The following NCOR2 variants were observed in gnomAD, a reference collection of about 807,000 sequenced individuals.
NCOR2 encodes the protein nuclear receptor corepressor 2.
A neutral mutation model predicts 262.9 loss-of-function variants in NCOR2; 81 were observed. That is an observed-to-expected ratio of 0.31 (90% CI 0.26 to 0.37). NCOR2 has a LOEUF of 0.37. NCOR2 is among the 10% of genes least tolerant of loss of function. The pLI is 1.00. For missense variants in NCOR2, 3,385 were observed against 3,621.4 expected, an observed-to-expected ratio of 0.93 and a Z score of 1.68; for synonymous variants, 1,659 against 1,559.3, an observed-to-expected ratio of 1.06 and a Z score of -1.51.
At position 124,523,753 on chromosome 12, in the gene NCOR2, C is replaced by A. The variant is rs2050315637; in HGVS notation, c.-118+11812G>T. 6.6e-6 allele frequency among the ~76,000 whole-genome samples: 1 copy of A among 152,060 alleles called. No individual in the cohort carries two copies. The highest frequency in any genetic ancestry group is 1.5e-5 in the Non-Finnish European group (1 of 68,040). ...CAGGTTGGACAAGCTTGCCTTACAA[C>A]AATCCTATGGGGTGCTGTCATACCC... is the stretch of plus-strand genomic sequence containing the variant. On this transcript the variant is annotated intron_variant, in intron 1 of 46. Transcript: ENST00000404621. The surrounding 1 kb of genome is among the most constrained non-coding windows in gnomAD (Gnocchi z 4.0).
At chr12:124,469,184 C>T (rs1292853327) in intron 4 of NCOR2, among the ~76,000 whole-genome samples, 1 of 152,106 alleles carries the variant, frequency 6.6e-6, no homozygotes, top group South Asian at 2.1e-4. Context: ...CAGGGCATCA[C>T]AAGTGAGATC....
exon 40 of NCOR2, chr12:124,335,204 G>A: frequency 6.2e-7 from 1 of 1,611,122 alleles, no homozygotes; most frequent in Non-Finnish European, 8.5e-7. Context: ...GGAGCAGCGG[G>A]CTGGACGAGG....
At chr12:124,410,894 CT>C (rs1240343857) in intron 13 of NCOR2, among the ~76,000 whole-genome samples, 1 of 151,932 alleles carries the variant, frequency 6.6e-6, no homozygotes. Flanking sequence ...CCGCAAAGAG[CT>C]GGGAGAGGAC....
At chr12:124,336,652 G>A in intron 38 of NCOR2, 101 bp downstream of exon 40, 2 of 1,520,026 alleles carry the variant, frequency 1.3e-6, no homozygotes, top group Non-Finnish European at 1.8e-6. Context: ...CGCGAGGGGA[G>A]CCGTTGGCCA....
Position 124,420,161 on chromosome 12 carries a change from G to A in NCOR2, c.1384-106C>T, listed in dbSNP as rs543524276. ...TCATATCCTGCCTCTTCCACGTACCGGCTGGGTGACCTCGGACAGATGACC... is the reference window on the plus strand; with the variant it reads ...TCATATCCTGCCTCTTCCACGTACCAGCTGGGTGACCTCGGACAGATGACC... On this transcript the variant is annotated intron_variant, in intron 12 of 46. Coordinates refer to ENST00000405201, the Ensembl canonical transcript of NCOR2. 140 of 901,852 alleles carry A rather than the reference G, an allele frequency of 1.6e-4. 2 individuals are homozygous for A. Among genetic ancestry groups the A allele is most frequent in the African/African-American group, 1.4e-3 (83 of 60,578 alleles). The allele number at this position is 901,852 out of a possible 1,614,324, so 55.9% of individuals were successfully genotyped here.
At chr12:124,359,723 G>A (rs1207148021) in intron 22 of NCOR2, among the ~76,000 whole-genome samples, 6 of 152,264 alleles carry the variant, frequency 3.9e-5, no homozygotes, top group African/African-American at 1.2e-4. Context: ...ACTGGGGCTA[G>A]GCCAGGCTGG....
At chr12:124,508,626 G>C (rs2049188612) in intron 1 of NCOR2, among the ~76,000 whole-genome samples, 1 of 152,184 alleles carries the variant, frequency 6.6e-6, no homozygotes, top group Non-Finnish European at 1.5e-5. Flanking sequence ...AAACATTCCT[G>C]ATGTTCCAGA....
exon 46 of NCOR2, chr12:124,326,246 G>A: frequency 6.4e-7 from 1 of 1,551,166 alleles, no homozygotes. Flanking sequence ...TCCGGCGGTT[G>A]CAGTCTCCCT....
At chr12:124,550,430 T>C (rs1301137607) in intron 1 of NCOR2, among the ~76,000 whole-genome samples, 2 of 152,032 alleles carry the variant, frequency 1.3e-5, no homozygotes, top group East Asian at 1.9e-4. Context: ...TCTAACCTAC[T>C]GGGTCTAGAG....
intron 16 of NCOR2, among the ~76,000 whole-genome samples, chr12:124,390,059 AC>A (rs1042461119): frequency 3.4e-4 from 51 of 151,988 alleles, no homozygotes; most frequent in African/African-American, 1.2e-3. Context: ...ATGTCCCTGC[AC>A]CCCCAGCCCT....
At chr12:124,325,157 C>CA in exon 47 of NCOR2, 1 of 347,332 alleles carries the variant, frequency 2.9e-6, no homozygotes, top group Non-Finnish European at 5.2e-6. Context: ...CTTCCCCTCC[C>CA]TTCCCGAGCA....
intron 17 of NCOR2, chr12:124,383,593 T>A (rs771093953): frequency 4.4e-4 from 108 of 247,300 alleles, no homozygotes; most frequent in Non-Finnish European, 6.5e-4. Context: ...GGCATCCAGA[T>A]AAAATAACAA....
chr12:124,532,225 C>G (rs1399112747), intron 1 of NCOR2, among the ~76,000 whole-genome samples: 1 of 152,054 alleles, frequency 6.6e-6, no homozygotes, highest in Non-Finnish European at 1.5e-5. Flanking sequence ...CCCCCATGCC[C>G]CCTTCTACCA....
intron 1 of NCOR2, among the ~76,000 whole-genome samples, chr12:124,563,583 C>G (rs1234633643): frequency 1.3e-5 from 2 of 152,292 alleles, no homozygotes; most frequent in Non-Finnish European, 2.9e-5. Context: ...CCTATGGGCA[C>G]TCCAGGCCAC....
chr12:124,324,658 A>G (rs1156431632), exon 47 of NCOR2: 1 of 152,514 alleles, frequency 6.6e-6, no homozygotes, highest in African/African-American at 2.4e-5. Context: ...GCACAGCAGC[A>G]GTAATACTGG....
intron 1 of NCOR2, among the ~76,000 whole-genome samples, chr12:124,509,874 C>T (rs1161752448): frequency 1.3e-5 from 2 of 151,982 alleles, no homozygotes; most frequent in East Asian, 3.9e-4. Flanking sequence ...CCGACGGCCG[C>T]CCCCCACAGT....
exon 32 of NCOR2, chr12:124,344,817 T>C: frequency 1.3e-6 from 2 of 1,555,264 alleles, no homozygotes; most frequent in Non-Finnish European, 8.7e-7. Context: ...CACGTTCCAG[T>C]GCCCGGGCGT....
At chr12:124,442,178 C>T (rs2044848761) in intron 7 of NCOR2, among the ~76,000 whole-genome samples, 1 of 152,174 alleles carries the variant, frequency 6.6e-6, no homozygotes, top group South Asian at 2.1e-4. Flanking sequence ...GGGTCTTACT[C>T]TGTCTCCCAG....
intron 13 of NCOR2, among the ~76,000 whole-genome samples, chr12:124,403,521 T>C (rs769336718): frequency 1.6e-4 from 25 of 152,268 alleles, no homozygotes; most frequent in South Asian, 4.1e-4. Context: ...ACTGATTTTC[T>C]TGGACACCCC....
Sources: gnomAD v4.1 joint callset for allele counts (sites outside exome capture counted in the v4.1 genomes callset) on GRCh38, gnomAD v4.1.1 for gene constraint, Gnocchi (gnomAD v3.1) non-coding constraint, MANE v1.5 for transcripts, NCBI Gene and HGNC (gene_info 2026-07-23, HGNC 2026-07-21) for gene names.